Variants in CACNA2D1 observed in about 807,000 individuals in gnomAD.
The protein encoded by CACNA2D1 is calcium voltage-gated channel auxiliary subunit alpha2delta 1.
A neutral mutation model predicts 171.5 loss-of-function variants in CACNA2D1; 53 were observed. The observed-to-expected ratio is 0.31, with a 90% confidence interval of 0.25 to 0.39. The LOEUF (loss-of-function observed/expected upper bound fraction) is 0.39. CACNA2D1 is among the 10% of genes least tolerant of loss of function. CACNA2D1 has a pLI of 1.00. For missense variants in CACNA2D1, 903 were observed against 1,299.8 expected (o/e 0.69, Z 4.69); for synonymous variants, 442 against 443.1 (o/e 1.00, Z 0.03).
chr7:82,030,339 A>G (rs746910999), intron 12 of CACNA2D1, among the ~76,000 whole-genome samples: 1 of 151,636 alleles, frequency 6.6e-6, no homozygotes, highest in East Asian at 1.9e-4. Context: ...AAAGAAAAAG[A>G]TCAAATTAAT....
intron 4 of CACNA2D1, among the ~76,000 whole-genome samples, chr7:82,146,321 TGTGTGC>T (rs1226820687): frequency 6.8e-6 from 1 of 147,614 alleles, no homozygotes; most frequent in Non-Finnish European, 1.5e-5. Context: ...CGTGTGTGTG[TGTGTGC>T]GTGTGTGTGT....
chr7:82,354,788 A>G (rs724118), intron 1 of CACNA2D1, among the ~76,000 whole-genome samples: 111,888 of 151,944 alleles, frequency 0.74, 41,578 homozygotes, highest in African/African-American at 0.85. Flanking sequence ...AAGTTCAGAG[A>G]AAAAAGACAT....
At chr7:82,366,570 G>A (rs1821734654) in intron 1 of CACNA2D1, among the ~76,000 whole-genome samples, 2 of 137,426 alleles carry the variant, frequency 1.5e-5, no homozygotes, top group South Asian at 5.3e-4. Flanking sequence ...TCTTTTATAT[G>A]GCTGTGAAGT....
chr7:82,313,259 G>A (rs1178560161), intron 3 of CACNA2D1, among the ~76,000 whole-genome samples: 1 of 152,100 alleles, frequency 6.6e-6, no homozygotes, highest in Admixed American at 6.6e-5. Context: ...TCAAGTGGGA[G>A]ACTAAAGGAA....
chr7:82,151,877 G>C (rs1364362174), intron 4 of CACNA2D1, among the ~76,000 whole-genome samples: 1 of 152,048 alleles, frequency 6.6e-6, no homozygotes, highest in Non-Finnish European at 1.5e-5. Flanking sequence ...AGAATAAAGA[G>C]AATGTATTAG....
At chr7:82,293,042 A>G (rs1811847615) in intron 3 of CACNA2D1, among the ~76,000 whole-genome samples, 2 of 151,718 alleles carry the variant, frequency 1.3e-5, no homozygotes, top group Non-Finnish European at 2.9e-5. Context: ...ATTTCCTATG[A>G]CTTTATCTTC....
At chr7:82,301,102 GCTAT>G (rs1812942405) in intron 3 of CACNA2D1, among the ~76,000 whole-genome samples, 1 of 152,064 alleles carries the variant, frequency 6.6e-6, no homozygotes, top group African/African-American at 2.4e-5. Flanking sequence ...AGAAAGGTTT[GCTAT>G]CTTTTTTTAA....
intron 1 of CACNA2D1, among the ~76,000 whole-genome samples, chr7:82,406,135 C>T (rs1242761723): frequency 7.2e-5 from 11 of 151,930 alleles, no homozygotes; most frequent in South Asian, 2.1e-4. Context: ...TGAGAACATG[C>T]GGTGTTTGGT....
At chr7:82,237,166 A>G (rs1803676776) in intron 3 of CACNA2D1, among the ~76,000 whole-genome samples, 1 of 151,956 alleles carries the variant, frequency 6.6e-6, no homozygotes, top group African/African-American at 2.4e-5. Context: ...AAAAGTAAAG[A>G]CCAGAAAAAA....
chr7:82,387,173 T>C (rs1441747867), intron 1 of CACNA2D1, among the ~76,000 whole-genome samples: 2 of 152,190 alleles, frequency 1.3e-5, no homozygotes, highest in Non-Finnish European at 2.9e-5. Context: ...GGTAAATTAA[T>C]ACATATTGCT....
At chr7:82,342,053 C>CAAAA (rs60799157) in intron 2 of CACNA2D1, among the ~76,000 whole-genome samples, 2 of 65,498 alleles carry the variant, frequency 3.1e-5, no homozygotes, top group African/African-American at 5.4e-5. Context: ...GACTCCGTCT[C>CAAAA]AAAAAAAAAA....
At chr7:82,230,177 C>T (rs1033551556) in intron 3 of CACNA2D1, among the ~76,000 whole-genome samples, 1 of 152,178 alleles carries the variant, frequency 6.6e-6, no homozygotes, top group Non-Finnish European at 1.5e-5. Context: ...CCCTTCCAGG[C>T]ACCACAGCCT....
At position 81,969,967 on chromosome 7, in the gene CACNA2D1, T is replaced by C. The variant is rs367588698; in HGVS notation, c.2222A>G (p.Gln741Arg). 2 of 1,606,164 alleles carry C rather than the reference T, an allele frequency of 1.2e-6. No homozygotes were observed. The highest frequency in any genetic ancestry group is 4.5e-5 in the East Asian group (2 of 44,684). Residue 741 changes from glutamine to arginine, a missense_variant, in exon 28 of 39, where the codon CAA becomes CGA. Coordinates refer to ENST00000356860, the MANE Select transcript of CACNA2D1 (RefSeq NM_000722.4). ...VYPKEAGENW[Q>R]ENPETYEDSF... ...GTCCTCATATGTCTCTGGGTTTTCT[T>C]GCCAATTTTCTCCAGCCCTAAGGAG...
chr7:82,309,507 G>A (rs989402479), intron 3 of CACNA2D1, among the ~76,000 whole-genome samples: 1 of 152,090 alleles, frequency 6.6e-6, no homozygotes, highest in Non-Finnish European at 1.5e-5. Flanking sequence ...GGTAATTTAA[G>A]GTGTCTGAGC....
intron 3 of CACNA2D1, among the ~76,000 whole-genome samples, chr7:82,311,042 T>G (rs1814396060): frequency 6.6e-6 from 1 of 152,106 alleles, no homozygotes; most frequent in Non-Finnish European, 1.5e-5. Context: ...TTAATCTTCT[T>G]TGAGTTATAT....
At chr7:82,349,091 C>T (rs1819567098) in intron 2 of CACNA2D1, among the ~76,000 whole-genome samples, 1 of 152,084 alleles carries the variant, frequency 6.6e-6, no homozygotes, top group Non-Finnish European at 1.5e-5. Context: ...TATTACTGAT[C>T]TCAGTGACTA....
chr7:82,303,157 C>A (rs948907981), intron 3 of CACNA2D1, among the ~76,000 whole-genome samples: 1 of 152,050 alleles, frequency 6.6e-6, no homozygotes, highest in South Asian at 2.1e-4. Context: ...CCATGCCCAG[C>A]TAATTTTGTT....
intron 4 of CACNA2D1, among the ~76,000 whole-genome samples, chr7:82,159,483 T>C (rs772627275): frequency 6.6e-6 from 1 of 151,774 alleles, no homozygotes; most frequent in Non-Finnish European, 1.5e-5. Context: ...TCCGTCCATA[T>C]CCATATTTTT....
At chr7:82,035,187 T>C (rs1562901248) in intron 11 of CACNA2D1, among the ~76,000 whole-genome samples, 1 of 152,126 alleles carries the variant, frequency 6.6e-6, no homozygotes, top group Admixed American at 6.6e-5. Flanking sequence ...ATACACTCTA[T>C]ATAAAGTTTT....
Sources: gnomAD v4.1 joint callset for allele counts (sites outside exome capture counted in the v4.1 genomes callset) on GRCh38, gnomAD v4.1.1 for gene constraint, MANE v1.5 for transcripts, NCBI Gene and HGNC (gene_info 2026-07-23, HGNC 2026-07-21) for gene names.